BORCS8: variants seen among roughly 807,000 people sequenced by gnomAD.
The protein encoded by BORCS8 is BLOC-1-related complex subunit 8.
BORCS8 carries 13 observed loss-of-function variants against 18.7 expected under a neutral mutation model. That is an observed-to-expected ratio of 0.70 (90% confidence interval 0.45 to 1.11). The LOEUF is 1.11. Among genes scored for constraint, BORCS8 ranks in the 50% least tolerant of loss-of-function variants. The probability of loss-of-function intolerance (pLI) is 0.00; values close to 1 mark genes in which losing one functional copy is unlikely to be tolerated. For synonymous variants in BORCS8, 68 were observed against 64.8 expected, an observed-to-expected ratio of 1.05 and a Z score of -0.24; for missense variants, 165 against 165.7, an observed-to-expected ratio of 1.00 and a Z score of 0.02.
In BORCS8 at chr19:19,187,076, T is replaced by C. The variant is rs1332980735; in HGVS notation, c.38-71A>G. 1.8e-5 allele frequency: 23 copies of C among 1,244,452 alleles called. No individual in the cohort carries two copies. The South Asian group carries it at 2.5e-4, about 13-fold the overall frequency. 77.1% of individuals were successfully genotyped at this position (1,244,452 alleles called of 1,614,324 possible). On this transcript the variant is annotated intron_variant, in intron 1 of 5. Transcript: ENST00000462790. ...GTCAGCCTCCTCATTGCTCAAGTGT[T>C]GAGCCCAGCCAGAGCAAAGGGGGCA...
intron 5 of BORCS8, 162 bp downstream of exon 5, chr19:19,180,524 G>A (rs929513267): frequency 7.8e-6 from 5 of 640,492 alleles, no homozygotes; most frequent in Admixed American, 7.0e-5. Context: ...GGAACATTCT[G>A]GACCTGCAGA....
chr19:19,181,280 G>A (rs1445878253), intron 4 of BORCS8, among the ~76,000 whole-genome samples: 2 of 150,250 alleles, frequency 1.3e-5, no homozygotes, highest in Admixed American at 6.7e-5. Flanking sequence ...CGAGAGAATT[G>A]CTTGAGCCCA....
rs1328538224 is a variant in BORCS8, at chr19:19,187,022, G to A, written c.38-17C>T. The stretch of plus-strand genomic sequence containing the variant: ...TGTCCGTGACTAGATACAGGTGGTA[G>A]GGATGGGGCGGGTGTGGGGAGACAA... On this transcript the variant is annotated splice_polypyrimidine_tract_variant and intron_variant, in intron 1 of 5. Coordinates refer to ENST00000462790, the MANE Select transcript of BORCS8 (RefSeq NM_001145784.2). The A allele has an allele frequency of 3.9e-6, 6 of 1,537,344 alleles. No homozygotes were observed. The Admixed American group carries it at 9.9e-5, about 25-fold the overall frequency.
intron 3 of BORCS8, 116 bp downstream of exon 3, chr19:19,185,918 C>T (rs771491512): frequency 3.2e-5 from 34 of 1,067,600 alleles, no homozygotes; most frequent in African/African-American, 4.7e-5. Flanking sequence ...CATACACCCA[C>T]TCGGGTAGGC....
At chr19:19,187,895 G>A (rs1351252472) in intron 1 of BORCS8, among the ~76,000 whole-genome samples, 1 of 151,726 alleles carries the variant, frequency 6.6e-6, no homozygotes, top group Non-Finnish European at 1.5e-5. Flanking sequence ...AGGCTGGAGT[G>A]CAGTGGTGTG....
In BORCS8 at chr19:19,190,339, G is replaced by C. The variant is rs529331824; in HGVS notation, c.37+1742C>G. Among the ~76,000 whole-genome samples the C allele has an allele frequency of 6.6e-5, 10 of 152,354 alleles. 1 individual carries two copies. Among genetic ancestry groups the C allele is most frequent in the African/African-American group, 2.2e-4 (9 of 41,592 alleles). On this transcript the variant is annotated intron_variant, in intron 1 of 5. Transcript: ENST00000462790. ...AGAGATGAATCCAATGCCATCACCA[G>C]GGTGACTGCTCAGGAGAGAGAACCC...
chr19:19,186,017 G>A lies in BORCS8; in HGVS notation c.215+17C>T. Reference sequence around the variant, plus strand: ...CAGCAAAAGGTGGCCCTGCAGCGGGGAGGCTGTGGCGCTCACCTGCAGGCG... The same window carrying A: ...CAGCAAAAGGTGGCCCTGCAGCGGGAAGGCTGTGGCGCTCACCTGCAGGCG... On this transcript the variant is annotated intron_variant, in intron 3 of 5. Coordinates refer to ENST00000462790, the MANE Select transcript of BORCS8 (RefSeq NM_001145784.2). 3 of 1,549,924 alleles carry A rather than the reference G, an allele frequency of 1.9e-6. No individual in the cohort carries two copies. The highest frequency in any genetic ancestry group is 2.6e-6 in the Non-Finnish European group (3 of 1,146,770).
intron 3 of BORCS8, among the ~76,000 whole-genome samples, chr19:19,184,043 T>C (rs1318429735): frequency 1.3e-5 from 2 of 151,580 alleles, no homozygotes; most frequent in Non-Finnish European, 2.9e-5. Flanking sequence ...CCACCACACC[T>C]GGCTAATTTT....
chr19:19,189,241 T>C (rs2060442384), intron 1 of BORCS8, among the ~76,000 whole-genome samples: 1 of 152,136 alleles, frequency 6.6e-6, no homozygotes, highest in Non-Finnish European at 1.5e-5. Context: ...GGGCAGATCC[T>C]GATGGTTCCA....
intron 3 of BORCS8, among the ~76,000 whole-genome samples, chr19:19,183,114 A>G (rs1162152118): frequency 1.3e-5 from 2 of 152,176 alleles, no homozygotes; most frequent in African/African-American, 4.8e-5. Context: ...CATCTCTTAA[A>G]AAGAAAAATC....
At chr19:19,184,327 A>T (rs1599755966) in intron 3 of BORCS8, among the ~76,000 whole-genome samples, 1 of 114,502 alleles carries the variant, frequency 8.7e-6, no homozygotes, top group Admixed American at 1.1e-4. Context: ...TTTTTTTGAG[A>T]CGGAGTCTCG....
At chr19:19,187,105 G>T in intron 1 of BORCS8, 100 bp from the exon 2 acceptor site, 1 of 855,214 alleles carries the variant, frequency 1.2e-6, no homozygotes, top group Non-Finnish European at 1.8e-6. Context: ...GGGGGCATCT[G>T]GCGTGTCCCT....
At position 19,177,388 on chromosome 19, in the gene BORCS8, G is replaced by C. The variant is rs898777928; in HGVS notation, c.*115C>G. 6.6e-6 allele frequency: 1 copy of C among 152,342 alleles called. No homozygotes were observed. The highest frequency in any genetic ancestry group is 2.4e-5 in the African/African-American group (1 of 41,390). The allele number at this position is 152,342 out of a possible 1,614,324, so 9.4% of individuals were successfully genotyped here. A position where few individuals can be genotyped will look rare whatever the true frequency, so the allele number is the denominator to read the frequency against. On this transcript the variant is annotated 3_prime_UTR_variant, in exon 6 of 6. Transcript: ENST00000462790. ...CTCACACCTATAATCCCAGCACTTT[G>C]GGAGGCTGAGGCGGGAGGATCACGA... is the stretch of plus-strand genomic sequence containing the variant.
intron 1 of BORCS8, among the ~76,000 whole-genome samples, chr19:19,191,320 CAA>C (rs35108076): frequency 6.5e-5 from 9 of 137,478 alleles, no homozygotes; most frequent in Admixed American, 7.3e-5. Context: ...GAGACTCCGT[CAA>C]AAAAAAAAAA....
chr19:19,187,476 C>CAA (rs35314944), intron 1 of BORCS8, among the ~76,000 whole-genome samples: 49 of 122,384 alleles, frequency 4.0e-4, no homozygotes, highest in Non-Finnish European at 4.8e-4. Flanking sequence ...AACTCCATCT[C>CAA]AAAAAAAAAA....
chr19:19,181,966 G>A lies in BORCS8; in HGVS notation c.326+607C>T, dbSNP rs536666609. On this transcript the variant is annotated intron_variant, in intron 4 of 5. Transcript: ENST00000462790. ...CAAAAATTCTCTTTCCAATGTTCAA[G>A]GACTGTGAGTGCTTTTCGTTTTCAG... 8.1e-6 allele frequency: 8 copies of A among 985,448 alleles called. No individual in the cohort carries two copies. In the African/African-American group the frequency reaches 1.2e-4, roughly 15 times the overall value. The allele number at this position is 985,448 out of a possible 1,614,324, so 61.0% of individuals were successfully genotyped here.
chr19:19,186,532 G>A (rs1701404458), intron 2 of BORCS8, among the ~76,000 whole-genome samples: 1 of 152,128 alleles, frequency 6.6e-6, no homozygotes, highest in Non-Finnish European at 1.5e-5. Flanking sequence ...ACGAGATCTT[G>A]TGGTTTTAAT....
intron 5 of BORCS8, chr19:19,177,752 A>AG (rs933156147): frequency 6.2e-6 from 1 of 161,834 alleles, no homozygotes; most frequent in Non-Finnish European, 1.3e-5. Context: ...AGAAAAGAAA[A>AG]GAAAGGAAGA....
Position 19,182,356 on chromosome 19 carries a change from C to G in BORCS8, c.326+217G>C. 1 of 1,259,156 alleles carries G rather than the reference C, an allele frequency of 7.9e-7. No individual in the cohort carries two copies. The highest frequency in any genetic ancestry group is 1.8e-5 in the South Asian group (1 of 54,464). The allele number at this position is 1,259,156 out of a possible 1,614,324, so 78.0% of individuals were successfully genotyped here. On this transcript the variant is annotated intron_variant, in intron 4 of 5. Coordinates refer to ENST00000462790, the MANE Select transcript of BORCS8 (RefSeq NM_001145784.2). The surrounding 1 kb of genome is among the most constrained non-coding windows in gnomAD (Gnocchi z 4.1). Reference sequence around the variant, plus strand: ...CGGTCACTGCTATGTCCCCAGTGCCCAGCCCAGGGCCAGGCACACAGCAGA... The same window carrying G: ...CGGTCACTGCTATGTCCCCAGTGCCGAGCCCAGGGCCAGGCACACAGCAGA...
Sources: allele counts gnomAD v4.1 joint callset (sites outside exome capture counted in the v4.1 genomes callset), GRCh38; gene constraint gnomAD v4.1.1; non-coding constraint Gnocchi (gnomAD v3.1); transcripts MANE v1.5; gene names NCBI Gene and HGNC (gene_info 2026-07-23, HGNC 2026-07-21).